Variants in SLIT2 observed in about 807,000 individuals in gnomAD.
SLIT2 encodes the protein slit guidance ligand 2.
Under a neutral mutation model 185.7 loss-of-function variants are expected in SLIT2, and 41 were observed. The ratio of observed to expected loss-of-function variants is 0.22; its 90% confidence interval spans 0.17 to 0.29. The LOEUF (loss-of-function observed/expected upper bound fraction) is 0.29. Among genes scored for constraint, SLIT2 ranks in the 10% least tolerant of loss-of-function variants. SLIT2 has a pLI of 1.00. For synonymous variants in SLIT2, 693 were observed against 680.2 expected, an observed-to-expected ratio of 1.02 and a Z score of -0.29; for missense variants, 1,571 against 1,909.0, an observed-to-expected ratio of 0.82 and a Z score of 3.30.
intron 11 of SLIT2, among the ~76,000 whole-genome samples, chr4:20,512,245 G>A (rs967237990): frequency 1.3e-5 from 2 of 152,046 alleles, no homozygotes; most frequent in South Asian, 4.2e-4. Context: ...ACACATGTGC[G>A]AGACCCAGAT....
At chr4:20,446,243 CTCAGCCA>C (rs1711781590) in intron 4 of SLIT2, among the ~76,000 whole-genome samples, 1 of 152,194 alleles carries the variant, frequency 6.6e-6, no homozygotes, top group Admixed American at 6.5e-5. Context: ...AACAACAGAG[CTCAGCCA>C]TGAGCTTGAT....
chr4:20,502,766 G>A (rs959027713), intron 9 of SLIT2, among the ~76,000 whole-genome samples: 4 of 152,282 alleles, frequency 2.6e-5, no homozygotes, highest in East Asian at 1.9e-4. Context: ...TCCCGATGGC[G>A]ATAGAATATG....
At chr4:20,523,958 A>G in intron 13 of SLIT2, 55 bp downstream of exon 13, 1 of 1,611,992 alleles carries the variant, frequency 6.2e-7, no homozygotes, top group South Asian at 1.1e-5. Flanking sequence ...CTCTGAATGT[A>G]AGAGCTGAGT....
chr4:20,490,383 G>A (rs943342821), intron 8 of SLIT2, among the ~76,000 whole-genome samples: 12 of 146,832 alleles, frequency 8.2e-5, no homozygotes, highest in African/African-American at 2.6e-4. Context: ...ACACACACAC[G>A]TGCATGCACA....
At position 20,406,443 on chromosome 4, in the gene SLIT2, C is replaced by T. The variant is rs917128157; in HGVS notation, c.396-61309C>T. The stretch of plus-strand genomic sequence containing the variant: ...TCTATCTTTAAAACCTCTTACAAAT[C>T]AATAAGATAAAAGCAAATAACCCAA... On this transcript the variant is annotated intron_variant, in intron 4 of 36. Transcript: ENST00000504154. 5.6e-5 allele frequency among the ~76,000 whole-genome samples: 8 copies of T among 142,554 alleles called. 3 individuals are homozygous for T. The East Asian group carries it at 2.1e-3, about 37-fold the overall frequency. The allele number at this position is 142,554 out of a possible 152,430, so 93.5% of individuals were successfully genotyped here.
At chr4:20,381,169 C>G (rs1560371994) in intron 4 of SLIT2, among the ~76,000 whole-genome samples, 1 of 152,122 alleles carries the variant, frequency 6.6e-6, no homozygotes, top group Non-Finnish European at 1.5e-5. Flanking sequence ...AAGAGAATCA[C>G]TTGAACCCGG....
intron 4 of SLIT2, among the ~76,000 whole-genome samples, chr4:20,283,025 G>T (rs758643305): frequency 6.6e-6 from 1 of 152,050 alleles, no homozygotes; most frequent in Non-Finnish European, 1.5e-5. Flanking sequence ...GAAGAACTTA[G>T]AATATTTTCT....
rs1711576930 is a variant in SLIT2 at position 20,254,664 on chromosome 4, C to T, written c.179+670C>T. Among the ~76,000 whole-genome samples, 1 of 152,054 alleles carries T rather than the reference C, an allele frequency of 6.6e-6. No individual in the cohort carries two copies. The highest frequency in any genetic ancestry group is 1.5e-5 in the Non-Finnish European group (1 of 68,000). On this transcript the variant is annotated intron_variant, in intron 1 of 36. Transcript: ENST00000504154. This position sits in a 1 kb window ranked among gnomAD's most constrained non-coding sequence, Gnocchi z 5.1. ...TCAGGCCCCTAGGGACTTGTCTCAG[C>T]GGGCGACTGCGAGGGAGGACCGTGT... is the stretch of plus-strand genomic sequence containing the variant.
Position 20,488,822 on chromosome 4 carries a change from A to G in SLIT2, c.615A>G (p.Arg205=). The G allele has an allele frequency of 6.3e-7, 1 of 1,577,628 alleles. No homozygotes were observed. Among genetic ancestry groups the G allele is most frequent in the Non-Finnish European group, 8.6e-7 (1 of 1,160,446 alleles). ...FNHMPKLRTF[R]LHSNNLYCDC... is the part of the protein sequence containing the mutation. Reference sequence around the variant, plus strand: ...CACTTCTTTTTTTCTCATTTAGTCGACTGCATTCAAACAACCTGTATTGTG... The same window carrying G: ...CACTTCTTTTTTTCTCATTTAGTCGGCTGCATTCAAACAACCTGTATTGTG... Residue 205 remains arginine, a synonymous_variant, in exon 8 of 37, where the codon CGA becomes CGG. Coordinates refer to ENST00000504154, the MANE Select transcript of SLIT2 (RefSeq NM_004787.4).
At chr4:20,302,796 A>G (rs1256453731) in intron 4 of SLIT2, among the ~76,000 whole-genome samples, 1 of 152,224 alleles carries the variant, frequency 6.6e-6, no homozygotes, top group African/African-American at 2.4e-5. Flanking sequence ...GCAAACGTTT[A>G]TCATCCAATC....
chr4:20,353,485 A>C (rs768916296), intron 4 of SLIT2, among the ~76,000 whole-genome samples: 2 of 152,192 alleles, frequency 1.3e-5, no homozygotes, highest in African/African-American at 2.4e-5. Context: ...TTACATAAAC[A>C]GAAAGGCAGG....
chr4:20,448,030 T>G (rs904360381), intron 4 of SLIT2, among the ~76,000 whole-genome samples: 1 of 152,186 alleles, frequency 6.6e-6, no homozygotes, highest in Non-Finnish European at 1.5e-5. Flanking sequence ...AGGCTAGGAT[T>G]TTACCAAGCT....
rs1020885683 is a variant in SLIT2 at position 20,252,916 on chromosome 4, A to G, written c.-900A>G. On this transcript the variant is annotated 5_prime_UTR_variant, in exon 1 of 37. Coordinates refer to ENST00000504154, the MANE Select transcript of SLIT2 (RefSeq NM_004787.4). ...GTCTTCGCAGCAGCTCTCATCCTCCACTTGGCCTCTTGGAGTTCCTCGCCG... is the reference window on the plus strand; with the variant it reads ...GTCTTCGCAGCAGCTCTCATCCTCCGCTTGGCCTCTTGGAGTTCCTCGCCG... Among the ~76,000 whole-genome samples the G allele has an allele frequency of 1.3e-5, 2 of 151,874 alleles. No homozygotes were observed. The highest frequency in any genetic ancestry group is 2.9e-5 in the Non-Finnish European group (2 of 67,942).
chr4:20,552,734 A>G (rs930109572), intron 25 of SLIT2: 2 of 152,170 alleles, frequency 1.3e-5, no homozygotes, highest in African/African-American at 4.8e-5. Context: ...GGCTACCTAA[A>G]AAAAATAAGA....
chr4:20,450,897 A>G (rs1712399554), intron 4 of SLIT2, among the ~76,000 whole-genome samples: 1 of 152,168 alleles, frequency 6.6e-6, no homozygotes, highest in Non-Finnish European at 1.5e-5. Flanking sequence ...TTTAGGATGA[A>G]AAAGTTAACT....
chr4:20,617,795 T>A, intron 36 of SLIT2, 145 bp downstream of exon 36: 5 of 622,586 alleles, frequency 8.0e-6, no homozygotes, highest in Non-Finnish European at 1.4e-5. Flanking sequence ...GAGAGAATAC[T>A]AGGTCTTCTC....
rs552711164 is a variant in SLIT2 at position 20,331,198 on chromosome 4, A to G, written c.395+62317A>G. On this transcript the variant is annotated intron_variant, in intron 4 of 36. Transcript: ENST00000504154. ...TTCAGTAAATTTCATAAAGATTTCT[A>G]TGAATTCACATAGGAAAAAACAGAG... Among the ~76,000 whole-genome samples, 12 of 152,170 alleles carry G rather than the reference A, an allele frequency of 7.9e-5. No homozygotes were observed. The South Asian group carries it at 2.3e-3, about 29-fold the overall frequency.
chr4:20,304,037 A>G (rs1389518830), intron 4 of SLIT2, among the ~76,000 whole-genome samples: 1 of 152,210 alleles, frequency 6.6e-6, no homozygotes, highest in African/African-American at 2.4e-5. Context: ...AAATAGAAAC[A>G]TAATTACCAT....
intron 4 of SLIT2, among the ~76,000 whole-genome samples, chr4:20,366,751 C>A (rs1413681688): frequency 6.6e-6 from 1 of 151,966 alleles, no homozygotes; most frequent in African/African-American, 2.4e-5. Flanking sequence ...GTTTTATGAG[C>A]TGTATTTAGA....
Sources: gnomAD v4.1 joint callset for allele counts (sites outside exome capture counted in the v4.1 genomes callset) on GRCh38, gnomAD v4.1.1 for gene constraint, Gnocchi (gnomAD v3.1) non-coding constraint, MANE v1.5 for transcripts, NCBI Gene and HGNC (gene_info 2026-07-23, HGNC 2026-07-21) for gene names.